Variants in UNC5D observed in about 807,000 individuals in gnomAD.
UNC5D encodes unc-5 netrin receptor D.
In UNC5D, 39 loss-of-function variants were observed where a neutral mutation model predicts 105.4. The ratio of observed to expected loss-of-function variants is 0.37; its 90% CI spans 0.29 to 0.48. UNC5D has a LOEUF of 0.48. Among genes scored for constraint, UNC5D ranks in the 20% least tolerant of loss-of-function variants. The probability of loss-of-function intolerance (pLI) is 0.98; values close to 1 mark genes in which losing one functional copy is unlikely to be tolerated. For missense variants in UNC5D, 991 were observed against 1,202.4 expected, an observed-to-expected ratio of 0.82 and a Z score of 2.60; for synonymous variants, 452 against 450.4, an observed-to-expected ratio of 1.00 and a Z score of -0.04.
At chr8:35,309,915 A>T (rs1808744315) in intron 1 of UNC5D, among the ~76,000 whole-genome samples, 1 of 152,182 alleles carries the variant, frequency 6.6e-6, no homozygotes, top group African/African-American at 2.4e-5. Context: ...CTAGTATACC[A>T]ACTTTGAATT....
intron 15 of UNC5D, among the ~76,000 whole-genome samples, chr8:35,768,206 A>G (rs1801857398): frequency 6.6e-6 from 1 of 152,024 alleles, no homozygotes; most frequent in Non-Finnish European, 1.5e-5. Flanking sequence ...TAATTCCCCA[A>G]ATAGTTTTTC....
At chr8:35,546,022 G>A (rs943668729) in intron 1 of UNC5D, among the ~76,000 whole-genome samples, 1 of 152,034 alleles carries the variant, frequency 6.6e-6, no homozygotes. Flanking sequence ...AGCCTCCCAA[G>A]TAGCTGGGAC....
At chr8:35,290,784 A>G (rs1806999325) in intron 1 of UNC5D, among the ~76,000 whole-genome samples, 1 of 152,032 alleles carries the variant, frequency 6.6e-6, no homozygotes, top group African/African-American at 2.4e-5. Context: ...CCCCATCTCT[A>G]CTAAAAACAC....
At chr8:35,778,738 T>G (rs571240171) in intron 16 of UNC5D, among the ~76,000 whole-genome samples, 4 of 152,288 alleles carry the variant, frequency 2.6e-5, no homozygotes, top group African/African-American at 9.6e-5. Context: ...TCAAAACAAG[T>G]GGAAGAAAAC....
At chr8:35,756,094 C>G (rs953025453) in intron 13 of UNC5D, among the ~76,000 whole-genome samples, 2 of 152,078 alleles carry the variant, frequency 1.3e-5, no homozygotes, top group Non-Finnish European at 2.9e-5. Context: ...TATTTAACTT[C>G]GAAGCCAATT....
chr8:35,426,262 C>G (rs1347805757), intron 1 of UNC5D, among the ~76,000 whole-genome samples: 2 of 152,102 alleles, frequency 1.3e-5, no homozygotes, highest in Non-Finnish European at 2.9e-5. Context: ...AAACATGGTT[C>G]TAAGTAGCCT....
At chr8:35,521,174 T>C (rs1177796380) in intron 1 of UNC5D, among the ~76,000 whole-genome samples, 2 of 152,120 alleles carry the variant, frequency 1.3e-5, no homozygotes, top group African/African-American at 4.8e-5. Context: ...GCATTTTTTT[T>C]CTAAAAATGT....
At chr8:35,428,538 C>T (rs1402583421) in intron 1 of UNC5D, among the ~76,000 whole-genome samples, 1 of 151,860 alleles carries the variant, frequency 6.6e-6, no homozygotes, top group African/African-American at 2.4e-5. Context: ...TGGCTCTCTT[C>T]TGCCCCACTG....
chr8:35,337,271 A>AG, intron 1 of UNC5D, among the ~76,000 whole-genome samples: 1 of 152,142 alleles, frequency 6.6e-6, no homozygotes, highest in Non-Finnish European at 1.5e-5. Context: ...TTATTTTTTG[A>AG]TAAGAGTTTC....
intron 4 of UNC5D, among the ~76,000 whole-genome samples, chr8:35,675,405 T>C (rs1825141961): frequency 6.6e-6 from 1 of 152,200 alleles, no homozygotes; most frequent in Admixed American, 6.6e-5. Context: ...ACTTGAGATA[T>C]TGTTCATGTT....
chr8:35,519,674 C>T (rs1039699338), intron 1 of UNC5D, among the ~76,000 whole-genome samples: 17 of 151,956 alleles, frequency 1.1e-4, no homozygotes, highest in African/African-American at 3.4e-4. Flanking sequence ...AAGTAAATCA[C>T]GATATTTTCA....
intron 1 of UNC5D, among the ~76,000 whole-genome samples, chr8:35,353,822 G>A (rs1374081611): frequency 2.6e-5 from 4 of 152,102 alleles, no homozygotes; most frequent in Non-Finnish European, 5.9e-5. Flanking sequence ...GCACATACAC[G>A]TGTATAAAAT....
At chr8:35,576,888 C>T (rs532034369) in intron 3 of UNC5D, among the ~76,000 whole-genome samples, 85 of 152,298 alleles carry the variant, frequency 5.6e-4, no homozygotes, top group Admixed American at 1.6e-3. Flanking sequence ...GCTAGGATTA[C>T]AGGCATGAGC....
At chr8:35,651,759 A>G (rs951627421) in intron 4 of UNC5D, among the ~76,000 whole-genome samples, 1 of 152,138 alleles carries the variant, frequency 6.6e-6, no homozygotes, top group Non-Finnish European at 1.5e-5. Flanking sequence ...AGGTGAAACT[A>G]CACTCTTCTG....
intron 1 of UNC5D, among the ~76,000 whole-genome samples, chr8:35,289,165 G>A (rs142615843): frequency 3.3e-5 from 5 of 152,114 alleles, no homozygotes; most frequent in Non-Finnish European, 5.9e-5. Flanking sequence ...GATGGAAAAT[G>A]GTATTCCATG....
chr8:35,362,344 TAGGTGTAA>T (rs1236357605), intron 1 of UNC5D, among the ~76,000 whole-genome samples: 1 of 152,106 alleles, frequency 6.6e-6, no homozygotes, highest in Non-Finnish European at 1.5e-5. Context: ...TACAAGAAAA[TAGGTGTAA>T]AGCACTTAGC....
chr8:35,760,341 C>A (rs1217164609), intron 14 of UNC5D, among the ~76,000 whole-genome samples: 1 of 151,932 alleles, frequency 6.6e-6, no homozygotes, highest in Non-Finnish European at 1.5e-5. Context: ...CCGTGCCTAG[C>A]CAGAACACGC....
chr8:35,437,431 A>T (rs1807093236), intron 1 of UNC5D, among the ~76,000 whole-genome samples: 3 of 152,094 alleles, frequency 2.0e-5, no homozygotes, highest in Non-Finnish European at 4.4e-5. Flanking sequence ...CTGACAGCAG[A>T]TAAACAGGTC....
chr8:35,236,899 T>C (rs759086115), intron 1 of UNC5D, among the ~76,000 whole-genome samples: 6 of 152,134 alleles, frequency 3.9e-5, no homozygotes, highest in Non-Finnish European at 5.9e-5. Flanking sequence ...TACCGTTAAA[T>C]GATTTGCCTT....
Sources: gnomAD v4.1 joint callset for allele counts (sites outside exome capture counted in the v4.1 genomes callset) on GRCh38, gnomAD v4.1.1 for gene constraint, MANE v1.5 for transcripts, NCBI Gene and HGNC (gene_info 2026-07-23, HGNC 2026-07-21) for gene names.